MPRIP: variants seen among roughly 807,000 people sequenced by gnomAD.
MPRIP encodes the protein myosin phosphatase Rho interacting protein, also known as myosin phosphatase Rho-interacting protein.
Under a neutral mutation model 234.9 loss-of-function variants are expected in MPRIP, and 59 were observed. The ratio of observed to expected loss-of-function variants is 0.25; its 90% CI spans 0.20 to 0.31. MPRIP has a LOEUF of 0.31. Among genes scored for constraint, MPRIP ranks in the 10% least tolerant of loss-of-function variants. MPRIP has a pLI of 1.00. For missense variants in MPRIP, 2,436 were observed against 3,071.0 expected, an observed-to-expected ratio of 0.79 and a Z score of 4.89; for synonymous variants, 1,144 against 1,263.9, an observed-to-expected ratio of 0.91 and a Z score of 2.01.
chr17:17,175,681 A>G (rs929795343), intron 20 of MPRIP, among the ~76,000 whole-genome samples: 56 of 152,194 alleles, frequency 3.7e-4, no homozygotes, highest in Non-Finnish European at 2.9e-5. Flanking sequence ...CATTTCTGCT[A>G]TGCCACAAAC....
rs56270914 is a variant in MPRIP at position 17,192,427 on chromosome 17, T to TTTGG, written c.*7533_*7534insTTGG. ...ACCAGCTGAGCTGCTGCTTTTTTTT[T>TTTGG]GGGGGGGGGGGGGGGAGGGGCGTCT... On this transcript the variant is annotated 3_prime_UTR_variant, in exon 24 of 24. Transcript: ENST00000651222. 5.6e-3 allele frequency: 27 copies of TTTGG among 4,816 alleles called. 3 individuals are homozygous for TTTGG. The highest frequency in any genetic ancestry group is 0.01 in the Non-Finnish European group (20 of 1,924). The allele number at this position is 4,816 out of a possible 1,614,324, so 0.3% of individuals were successfully genotyped here.
intron 1 of MPRIP, among the ~76,000 whole-genome samples, chr17:17,044,105 G>T (rs1458318408): frequency 6.6e-6 from 1 of 152,160 alleles, no homozygotes; most frequent in Non-Finnish European, 1.5e-5. Flanking sequence ...CCTGGGGCAC[G>T]GGGCCTTTCT....
intron 20 of MPRIP, 118 bp from the exon 21 acceptor site, chr17:17,176,308 A>G (rs2046251913): frequency 1.3e-6 from 1 of 753,206 alleles, no homozygotes; most frequent in African/African-American, 1.7e-5. Flanking sequence ...ATTGGGCACC[A>G]CGAGGCTGCC....
rs2045927896 is a variant in MPRIP at position 17,164,035 on chromosome 17, C to T, written c.2518-74C>T. Reference sequence around the variant, plus strand: ...CATCAAGGAGCTTTCTGTGGTTGTTCCTGGCCAGAGGTGTGACACTCAGAA... The same window carrying T: ...CATCAAGGAGCTTTCTGTGGTTGTTTCTGGCCAGAGGTGTGACACTCAGAA... On this transcript the variant is annotated intron_variant, in intron 15 of 23. Coordinates refer to ENST00000651222, the MANE Select transcript of MPRIP (RefSeq NM_001364716.4). 12 of 1,083,030 alleles carry T rather than the reference C, an allele frequency of 1.1e-5. No homozygotes were observed. In the South Asian group the frequency reaches 1.5e-4, roughly 13 times the overall value. The allele number at this position is 1,083,030 out of a possible 1,614,324, so 67.1% of individuals were successfully genotyped here. A position where few individuals can be genotyped will look rare whatever the true frequency, so the allele number is the denominator to read the frequency against.
intron 23 of MPRIP, 102 bp from the exon 24 acceptor site, chr17:17,184,717 TCTGA>T (rs1351309490): frequency 1.2e-5 from 10 of 804,496 alleles, no homozygotes; most frequent in Middle Eastern, 2.3e-4. Flanking sequence ...CACCCGGCTC[TCTGA>T]CTGATGCCGG....
chr17:17,131,822 C>T (rs1200585622), intron 5 of MPRIP, 121 bp downstream of exon 5: 1 of 815,706 alleles, frequency 1.2e-6, no homozygotes, highest in East Asian at 2.6e-5. Flanking sequence ...CAGTCACCAA[C>T]TCTGCACATC....
chr17:17,083,371 G>A (rs1712277212), intron 3 of MPRIP, among the ~76,000 whole-genome samples: 1 of 152,198 alleles, frequency 6.6e-6, no homozygotes, highest in African/African-American at 2.4e-5. Flanking sequence ...GGTGCAGACA[G>A]GTTAGGATTC....
intron 23 of MPRIP, among the ~76,000 whole-genome samples, chr17:17,181,213 CA>C (rs1167565054): frequency 6.6e-6 from 1 of 151,360 alleles, no homozygotes; most frequent in Non-Finnish European, 1.5e-5. Context: ...TTTAATAAAA[CA>C]AAAGCTTCTC....
At chr17:17,088,490 G>A (rs1178153689) in intron 3 of MPRIP, among the ~76,000 whole-genome samples, 1 of 152,252 alleles carries the variant, frequency 6.6e-6, no homozygotes, top group Admixed American at 6.5e-5. Context: ...CATGGGAGGT[G>A]CAACAGAAAA....
intron 1 of MPRIP, among the ~76,000 whole-genome samples, chr17:17,054,620 G>A (rs908746747): frequency 1.3e-5 from 2 of 152,002 alleles, no homozygotes; most frequent in African/African-American, 2.4e-5. Context: ...CCACGGAGTC[G>A]TGAGAGCACA....
intron 5 of MPRIP, among the ~76,000 whole-genome samples, chr17:17,135,318 G>C (rs2090673830): frequency 6.6e-6 from 1 of 152,188 alleles, no homozygotes; most frequent in Non-Finnish European, 1.5e-5. Context: ...GGAGAGATTG[G>C]GGATTGACAC....
intron 15 of MPRIP, among the ~76,000 whole-genome samples, 170 bp from the exon 16 acceptor site, chr17:17,163,939 A>AG (rs1428274078): frequency 2.0e-5 from 3 of 151,942 alleles, no homozygotes; most frequent in Non-Finnish European, 2.9e-5. Flanking sequence ...AAAAAAAAAA[A>AG]AAAAGAAAAT....
In MPRIP at chr17:17,171,726, C is replaced by G; in HGVS notation, c.6333C>G (p.Cys2111Trp). Reference sequence around the variant, plus strand: ...CCTTTTGCATTTTGCAGGCCACGTGCGAGCGAGGGTTTGCAGCAATGGAAG... The same window carrying G: ...CCTTTTGCATTTTGCAGGCCACGTGGGAGCGAGGGTTTGCAGCAATGGAAG... ...QRDLESLKAT[C>W]ERGFAAMEET... Residue 2111 changes from cysteine (C) to tryptophan (W), a missense_variant, in exon 17 of 24, where the codon TGC becomes TGG. By Grantham distance (215) the Cys-to-Trp change is radical. Around this residue, in one of 4 missense-constraint regions of MPRIP, gnomAD observed 1,998 missense variants for 2,520.3 expected, o/e 0.79. Coordinates refer to ENST00000651222, the MANE Select transcript of MPRIP (RefSeq NM_001364716.4). 6.2e-7 allele frequency: 1 copy of G among 1,612,346 alleles called. No homozygotes were observed. The highest frequency in any genetic ancestry group is 8.5e-7 in the Non-Finnish European group (1 of 1,179,876).
At chr17:17,073,753 C>G (rs1234487627) in intron 1 of MPRIP, among the ~76,000 whole-genome samples, 1 of 152,174 alleles carries the variant, frequency 6.6e-6, no homozygotes, top group Non-Finnish European at 1.5e-5. Flanking sequence ...GTGTGCCCAC[C>G]TTGAGGTTTG....
At chr17:17,070,217 T>C in intron 1 of MPRIP, among the ~76,000 whole-genome samples, 1 of 152,208 alleles carries the variant, frequency 6.6e-6, no homozygotes, top group Middle Eastern at 3.2e-3. Flanking sequence ...GGTTTTTCTT[T>C]AGTTTAGTTA....
intron 1 of MPRIP, among the ~76,000 whole-genome samples, chr17:17,059,239 C>CA (rs761005543): frequency 6.6e-6 from 1 of 152,356 alleles, no homozygotes; most frequent in South Asian, 2.1e-4. Context: ...GCTGGGTTCT[C>CA]AGAGCTTCTA....
rs962278104 is a variant in MPRIP at position 17,189,687 on chromosome 17, T to G, written c.*4793T>G. On this transcript the variant is annotated 3_prime_UTR_variant, in exon 24 of 24. Coordinates refer to ENST00000651222, the MANE Select transcript of MPRIP (RefSeq NM_001364716.4). ...TGGGAACTTCATTCGTTTTAGGGCA[T>G]GAGATAAAAGTCCTGGCTAGGGGAG... 3 of 152,162 alleles carry G rather than the reference T, an allele frequency of 2.0e-5. No homozygotes were observed. Among genetic ancestry groups the G allele is most frequent in the Non-Finnish European group, 4.4e-5 (3 of 68,014 alleles). 9.4% of individuals were successfully genotyped at this position (152,162 alleles called of 1,614,324 possible).
Position 17,143,580 on chromosome 17 carries a change from G to A in MPRIP, c.1414G>A (p.Ala472Thr), listed in dbSNP as rs1218495685. The A allele has an allele frequency of 5.0e-6, 8 of 1,600,970 alleles. No individual in the cohort carries two copies. In the African/African-American group the frequency reaches 8.1e-5, roughly 16 times the overall value. ...KRDFTNEAPP[A>T]PLPDASASPL... ...GGACTTCACCAATGAAGCCCCCCCA[G>A]CTCCTCTCCCAGACGCCTCGGCTTC... Residue 472 changes from alanine (A) to threonine (T), a missense_variant, in exon 9 of 24, where the codon GCT (alanine) becomes ACT (threonine). Transcript: ENST00000651222.
At chr17:17,175,014 G>C (rs2144682855) in intron 19 of MPRIP, among the ~76,000 whole-genome samples, 1 of 152,342 alleles carries the variant, frequency 6.6e-6, no homozygotes, top group African/African-American at 2.4e-5. Flanking sequence ...GGGCATGGCT[G>C]CTGCACAGGG....
Sources: gnomAD v4.1 joint callset for allele counts (sites outside exome capture counted in the v4.1 genomes callset) on GRCh38, gnomAD v4.1.1 for gene constraint, gnomAD v4.1.1 regional missense constraint, MANE v1.5 for transcripts, NCBI Gene and HGNC (gene_info 2026-07-23, HGNC 2026-07-21) for gene names.